ARID2: variants seen among roughly 807,000 people sequenced by gnomAD.
ARID2 encodes the protein AT-rich interactive domain-containing protein 2.
ARID2 carries 32 observed loss-of-function variants against 184.6 expected under a neutral mutation model. The observed-to-expected ratio is 0.17, with a 90% CI of 0.13 to 0.23. The LOEUF (loss-of-function observed/expected upper bound fraction) is 0.23, where lower values mean the gene tolerates loss of function less well. ARID2 is among the 10% of genes least tolerant of loss of function. ARID2 has a pLI of 1.00. For synonymous variants in ARID2, 836 were observed against 772.6 expected, an observed-to-expected ratio of 1.08 and a Z score of -1.36; for missense variants, 1,696 against 2,197.6, an observed-to-expected ratio of 0.77 and a Z score of 4.56.
chr12:45,818,349 G>C (rs996415491), intron 5 of ARID2, among the ~76,000 whole-genome samples: 1 of 152,078 alleles, frequency 6.6e-6, no homozygotes, highest in African/African-American at 2.4e-5. Flanking sequence ...TGCTAGTTGT[G>C]GGTTTTGATA....
rs1245731085 is a variant in ARID2, at chr12:45,851,894, T to C, written c.3771T>C (p.His1257=). The change falls in exon 15 of 21, where the codon CAT becomes CAC. Residue 1257 remains histidine, a synonymous_variant. Coordinates refer to ENST00000334344, the MANE Select transcript of ARID2 (RefSeq NM_152641.4). The part of the protein sequence containing the change: ...EEEAKEATGL[H]VHERKIEVME... ...AAGCAAAGGAAGCAACAGGTTTACA[T>C]GTTCATGAACGTAAAATTGAAGTCA... 18 of 1,614,094 alleles carry C rather than the reference T, an allele frequency of 1.1e-5. No individual in the cohort carries two copies. Among genetic ancestry groups the C allele is most frequent in the Admixed American group, 1.7e-5 (1 of 60,002 alleles).
chr12:45,815,358 A>G lies in ARID2; in HGVS notation c.419-2312A>G, dbSNP rs1473139088. Among the ~76,000 whole-genome samples the G allele has an allele frequency of 1.3e-5, 2 of 152,220 alleles. 1 individual carries two copies. Among genetic ancestry groups the G allele is most frequent in the Admixed American group, 1.3e-4 (2 of 15,274 alleles). ...GAAATTTCATTTATAAGGATTATCA[A>G]AAATGAACAATATATTCTTATTGTC... On this transcript the variant is annotated intron_variant, in intron 4 of 20. Coordinates refer to ENST00000334344, the MANE Select transcript of ARID2 (RefSeq NM_152641.4).
intron 4 of ARID2, among the ~76,000 whole-genome samples, chr12:45,815,692 C>T (rs1013329845): frequency 6.6e-6 from 1 of 152,076 alleles, no homozygotes; most frequent in Non-Finnish European, 1.5e-5. Context: ...AGACAGGTCT[C>T]ACTTCGTCGC....
At chr12:45,903,855 T>A (rs1175567475) in intron 20 of ARID2, among the ~76,000 whole-genome samples, 1 of 151,784 alleles carries the variant, frequency 6.6e-6, no homozygotes, top group Non-Finnish European at 1.5e-5. Context: ...TGGCTGATAT[T>A]TTTTTTTAAC....
chr12:45,747,012 G>T (rs954361476), intron 3 of ARID2, among the ~76,000 whole-genome samples: 2 of 151,874 alleles, frequency 1.3e-5, no homozygotes, highest in Admixed American at 6.6e-5. Flanking sequence ...CTTGTGATCC[G>T]CCCGCCTCAG....
intron 3 of ARID2, among the ~76,000 whole-genome samples, chr12:45,765,082 A>G (rs1941746363): frequency 6.6e-6 from 1 of 152,192 alleles, no homozygotes; most frequent in Admixed American, 6.5e-5. Flanking sequence ...CTTTTAATTT[A>G]CATTTCCCTA....
chr12:45,898,394 C>G (rs1356878498), intron 20 of ARID2, among the ~76,000 whole-genome samples: 1 of 152,056 alleles, frequency 6.6e-6, no homozygotes, highest in Non-Finnish European at 1.5e-5. Context: ...GTACTTAATG[C>G]CACTGAACTG....
At chr12:45,745,848 C>T (rs1162061609) in intron 3 of ARID2, among the ~76,000 whole-genome samples, 3 of 152,002 alleles carry the variant, frequency 2.0e-5, no homozygotes, top group Non-Finnish European at 4.4e-5. Flanking sequence ...TGCGCCTGGC[C>T]TGGTTTTATG....
At chr12:45,858,675 T>G (rs945302597) in intron 15 of ARID2, among the ~76,000 whole-genome samples, 1 of 152,200 alleles carries the variant, frequency 6.6e-6, no homozygotes, top group African/African-American at 2.4e-5. Flanking sequence ...TAAGTTAGTT[T>G]TTATTACTTA....
chr12:45,765,255 T>C (rs1173813412), intron 3 of ARID2, among the ~76,000 whole-genome samples: 1 of 152,212 alleles, frequency 6.6e-6, no homozygotes, highest in East Asian at 1.9e-4. Flanking sequence ...TCACACAGGC[T>C]GGAGTGCAGT....
chr12:45,839,990 T>G (rs972306805), intron 11 of ARID2: 1 of 153,226 alleles, frequency 6.5e-6, no homozygotes, highest in African/African-American at 2.4e-5. Context: ...TACAAGCATG[T>G]ATACCTGCAT....
chr12:45,872,935 C>T (rs1333777655), intron 16 of ARID2, among the ~76,000 whole-genome samples: 1 of 152,080 alleles, frequency 6.6e-6, no homozygotes, highest in Admixed American at 6.5e-5. Flanking sequence ...GATTTTCTGC[C>T]TATTGGATCT....
intron 2 of ARID2, 64 bp from the exon 3 acceptor site, chr12:45,731,153 C>A: frequency 8.3e-7 from 1 of 1,200,584 alleles, no homozygotes; most frequent in Non-Finnish European, 1.2e-6. Context: ...GTATTTATTT[C>A]ATAGTTAGGT....
intron 16 of ARID2, among the ~76,000 whole-genome samples, chr12:45,891,197 T>A (rs1407589805): frequency 1.3e-5 from 2 of 152,158 alleles, no homozygotes; most frequent in Non-Finnish European, 2.9e-5. Flanking sequence ...GCACAAATAT[T>A]TGAGTTACTC....
At chr12:45,828,716 G>A (rs1373567912) in intron 6 of ARID2, among the ~76,000 whole-genome samples, 2 of 152,002 alleles carry the variant, frequency 1.3e-5, no homozygotes, top group Admixed American at 1.3e-4. Context: ...CTTGTTTGAT[G>A]AGAACTAGAA....
In ARID2 at chr12:45,825,109, A is replaced by G. The variant is rs556889557; in HGVS notation, c.705+3622A>G. On this transcript the variant is annotated intron_variant, in intron 6 of 20. Coordinates refer to ENST00000334344, the MANE Select transcript of ARID2 (RefSeq NM_152641.4). ...TAGGAAGGGTCAGAGGGTGATGTACAAAGAGAGGTTGGTTAATGAGTACAA... is the reference window on the plus strand; with the variant it reads ...TAGGAAGGGTCAGAGGGTGATGTACGAAGAGAGGTTGGTTAATGAGTACAA... Among the ~76,000 whole-genome samples, 3 of 152,078 alleles carry G rather than the reference A, an allele frequency of 2.0e-5. No individual in the cohort carries two copies. The East Asian group carries it at 5.8e-4, about 29-fold the overall frequency.
intron 3 of ARID2, among the ~76,000 whole-genome samples, chr12:45,772,236 C>T (rs1022084948): frequency 2.0e-5 from 3 of 152,152 alleles, no homozygotes; most frequent in Admixed American, 6.5e-5. Context: ...AGTAGATTAG[C>T]AGGTCAAAAT....
rs144906185 is a variant in ARID2 at position 45,885,554 on chromosome 12, T to C, written c.4923-6226T>C. 8.5e-5 allele frequency among the ~76,000 whole-genome samples: 13 copies of C among 152,208 alleles called. No individual in the cohort carries two copies. In the East Asian group the frequency reaches 2.5e-3, roughly 29 times the overall value. On this transcript the variant is annotated intron_variant, in intron 16 of 20. Transcript: ENST00000334344. ...ATAGCCTGCCAAGACCTTGAGTAAA[T>C]AAGAAAACTCCAAATGAAACTATCT... is the stretch of plus-strand genomic sequence containing the variant.
chr12:45,844,111 C>G (rs879839431), intron 11 of ARID2, among the ~76,000 whole-genome samples: 6 of 152,122 alleles, frequency 3.9e-5, no homozygotes, highest in African/African-American at 7.2e-5. Context: ...GAACCTGGCT[C>G]ACTGTAGTGT....
Sources: allele counts gnomAD v4.1 joint callset (sites outside exome capture counted in the v4.1 genomes callset), GRCh38; gene constraint gnomAD v4.1.1; transcripts MANE v1.5; gene names NCBI Gene and HGNC (gene_info 2026-07-23, HGNC 2026-07-21).